Variants in P3H2 observed in about 807,000 individuals in gnomAD.
The protein encoded by P3H2 is leprecan-like 1.
Under a neutral mutation model 87.0 loss-of-function variants are expected in P3H2, and 80 were observed. The observed-to-expected ratio is 0.92, with a 90% CI of 0.77 to 1.11. P3H2 has a LOEUF of 1.11. P3H2 is among the 50% of genes least tolerant of loss of function. P3H2 has a pLI of 0.00. For synonymous variants in P3H2, 367 were observed against 359.3 expected (o/e 1.02, Z -0.24); for missense variants, 1,001 against 923.9 (o/e 1.08, Z -1.08).
intron 1 of P3H2, among the ~76,000 whole-genome samples, chr3:190,069,000 A>G (rs1231585057): frequency 6.6e-6 from 1 of 152,198 alleles, no homozygotes; most frequent in Non-Finnish European, 1.5e-5. Context: ...GAAAAACCAC[A>G]GAAAAAATGT....
chr3:190,111,550 C>T (rs910624184), intron 1 of P3H2, among the ~76,000 whole-genome samples: 2 of 152,070 alleles, frequency 1.3e-5, no homozygotes, highest in South Asian at 4.1e-4. Flanking sequence ...TAAAAAAAAT[C>T]AGTCAAAGGG....
intron 1 of P3H2, among the ~76,000 whole-genome samples, chr3:190,117,252 T>A (rs184356474): frequency 6.6e-6 from 1 of 152,182 alleles, no homozygotes; most frequent in African/African-American, 2.4e-5. Context: ...ATTGAACTCA[T>A]TGGGTCTCAG....
At chr3:190,088,752 A>G (rs1434418962) in intron 1 of P3H2, among the ~76,000 whole-genome samples, 1 of 152,232 alleles carries the variant, frequency 6.6e-6, no homozygotes, top group African/African-American at 2.4e-5. Context: ...TAAAAAAGTA[A>G]GAAACTTAAT....
At chr3:190,012,176 TC>T (rs1350382776) in intron 1 of P3H2, among the ~76,000 whole-genome samples, 2 of 147,860 alleles carry the variant, frequency 1.4e-5, no homozygotes. Context: ...AAGTGAAATT[TC>T]AAAAAGGTGT....
At chr3:189,996,616 G>C (rs1007177921) in intron 1 of P3H2, among the ~76,000 whole-genome samples, 39 of 152,298 alleles carry the variant, frequency 2.6e-4, no homozygotes, top group African/African-American at 8.2e-4. Flanking sequence ...CATTTTTAAT[G>C]ATGTCACCAA....
intron 1 of P3H2, among the ~76,000 whole-genome samples, chr3:190,023,596 C>T (rs972681626): frequency 6.6e-5 from 10 of 152,184 alleles, no homozygotes; most frequent in Non-Finnish European, 1.3e-4. Flanking sequence ...GACTCAATTA[C>T]CTCCACCTGG....
At chr3:190,030,756 G>A (rs1725226687) in intron 1 of P3H2, among the ~76,000 whole-genome samples, 1 of 152,090 alleles carries the variant, frequency 6.6e-6, no homozygotes, top group African/African-American at 2.4e-5. Context: ...GAGAAAATGG[G>A]AGAAAATAAT....
intron 8 of P3H2, among the ~76,000 whole-genome samples, chr3:189,982,607 T>A (rs1486461041): frequency 6.6e-6 from 1 of 152,168 alleles, no homozygotes; most frequent in Non-Finnish European, 1.5e-5. Flanking sequence ...TGCTCAGATC[T>A]ATGTGCTTCA....
At chr3:190,063,812 C>A (rs1418697774) in intron 1 of P3H2, among the ~76,000 whole-genome samples, 1 of 152,000 alleles carries the variant, frequency 6.6e-6, no homozygotes, top group African/African-American at 2.4e-5. Flanking sequence ...AGATGGGGAG[C>A]AGATAGGCAG....
chr3:190,026,461 G>A (rs1324134163), intron 1 of P3H2, among the ~76,000 whole-genome samples: 1 of 152,126 alleles, frequency 6.6e-6, no homozygotes, highest in Non-Finnish European at 1.5e-5. Context: ...AAACCAAGAT[G>A]GCGCTGAGAG....
At chr3:189,980,092 T>C (rs1210928079) in intron 8 of P3H2, among the ~76,000 whole-genome samples, 1 of 152,218 alleles carries the variant, frequency 6.6e-6, no homozygotes, top group Non-Finnish European at 1.5e-5. Context: ...GGGATGTAAG[T>C]AGCCCTGGGT....
chr3:190,032,241 G>T (rs536815086), intron 1 of P3H2, among the ~76,000 whole-genome samples: 54 of 152,248 alleles, frequency 3.5e-4, no homozygotes, highest in African/African-American at 1.2e-3. Context: ...ATTTTCAACA[G>T]AGAAATATTT....
In P3H2 at chr3:189,987,735, G is replaced by T. The variant is rs1455557094; in HGVS notation, c.956-66C>A. On this transcript the variant is annotated intron_variant, in intron 4 of 14. Coordinates refer to ENST00000319332, the MANE Select transcript of P3H2 (RefSeq NM_018192.4). The stretch of plus-strand genomic sequence containing the variant: ...TCTGTCCAAAGGATTTTAAAGGGAG[G>T]CCATCAACGTGTCTACAAAGGTCAG... 4.4e-6 allele frequency: 7 copies of T among 1,595,586 alleles called. No homozygotes were observed. The South Asian group carries it at 4.4e-5, about 10-fold the overall frequency.
intron 1 of P3H2, among the ~76,000 whole-genome samples, chr3:190,086,759 A>T (rs990692717): frequency 6.6e-6 from 1 of 152,192 alleles, no homozygotes; most frequent in South Asian, 2.1e-4. Context: ...ACTCTCTGCT[A>T]CCAAGAAGTC....
chr3:189,999,526 T>G (rs950573578), intron 1 of P3H2, among the ~76,000 whole-genome samples: 1 of 152,106 alleles, frequency 6.6e-6, no homozygotes, highest in Non-Finnish European at 1.5e-5. Context: ...TATGATTGGA[T>G]GGAGGTTATT....
At chr3:190,012,713 C>T (rs1724632340) in intron 1 of P3H2, among the ~76,000 whole-genome samples, 1 of 152,202 alleles carries the variant, frequency 6.6e-6, no homozygotes, top group Non-Finnish European at 1.5e-5. Flanking sequence ...ATGATCCCAT[C>T]CACTTCTGGA....
At chr3:190,101,899 C>G (rs538953621) in intron 1 of P3H2, among the ~76,000 whole-genome samples, 1 of 152,196 alleles carries the variant, frequency 6.6e-6, no homozygotes, top group Admixed American at 6.5e-5. Flanking sequence ...GCTAATCCAG[C>G]TGGTGACTTT....
At chr3:190,006,850 C>T (rs1037027891) in intron 1 of P3H2, among the ~76,000 whole-genome samples, 4 of 152,028 alleles carry the variant, frequency 2.6e-5, no homozygotes, top group East Asian at 1.9e-4. Context: ...TGGAAGGTTT[C>T]GATTCCAGAG....
intron 1 of P3H2, among the ~76,000 whole-genome samples, chr3:190,119,465 G>A (rs573445055): frequency 2.0e-5 from 3 of 152,250 alleles, no homozygotes; most frequent in South Asian, 2.1e-4. Flanking sequence ...TCAAAGTTAT[G>A]GATGTGAACA....
Sources: gnomAD v4.1 joint callset for allele counts (sites outside exome capture counted in the v4.1 genomes callset) on GRCh38, gnomAD v4.1.1 for gene constraint, MANE v1.5 for transcripts, NCBI Gene and HGNC (gene_info 2026-07-23, HGNC 2026-07-21) for gene names.